Variants in CACNG2 observed in about 807,000 individuals in gnomAD.
The protein encoded by CACNG2 is voltage-dependent calcium channel gamma-2 subunit.
A neutral mutation model predicts 25.9 loss-of-function variants in CACNG2; 3 were observed. That is an observed-to-expected ratio of 0.12 (90% CI 0.05 to 0.30). The LOEUF is 0.30. Ranked by LOEUF, CACNG2 falls within the 10% of genes least tolerant of loss-of-function variation. The pLI, the probability that CACNG2 is intolerant of heterozygous loss-of-function variation, is 1.00. For missense variants in CACNG2, 341 were observed against 432.5 expected, an observed-to-expected ratio of 0.79 and a Z score of 1.88; for synonymous variants, 167 against 173.3, an observed-to-expected ratio of 0.96 and a Z score of 0.29.
chr22:36,670,054 C>T (rs1238976416), intron 1 of CACNG2, among the ~76,000 whole-genome samples: 3 of 152,198 alleles, frequency 2.0e-5, no homozygotes, highest in African/African-American at 7.2e-5. Flanking sequence ...ATGCCAGGAT[C>T]CAATTCTCTC....
intron 2 of CACNG2, among the ~76,000 whole-genome samples, chr22:36,571,372 G>A (rs546091347): frequency 9.2e-5 from 14 of 152,102 alleles, no homozygotes; most frequent in African/African-American, 1.9e-4. Context: ...CAGGAGAACC[G>A]CTTGAACCCG....
In CACNG2 at chr22:36,630,095, C is replaced by T. The variant is rs957988923; in HGVS notation, c.212-42547G>A. On this transcript the variant is annotated intron_variant, in intron 1 of 3. Coordinates refer to ENST00000300105, the MANE Select transcript of CACNG2 (RefSeq NM_006078.5). The stretch of plus-strand genomic sequence containing the variant: ...CGACGAGGACCAGAAGAAGGCAGTG[C>T]GGGAGGGAGACCATGGGAAGGGGTC... 4.6e-5 allele frequency among the ~76,000 whole-genome samples: 7 copies of T among 151,946 alleles called. No individual in the cohort carries two copies. The East Asian group carries it at 5.8e-4, about 13-fold the overall frequency.
chr22:36,659,407 G>C (rs187585640), intron 1 of CACNG2, among the ~76,000 whole-genome samples: 1 of 152,094 alleles, frequency 6.6e-6, no homozygotes, highest in Non-Finnish European at 1.5e-5. Context: ...CAGGTCAAAG[G>C]CTGCTCCACA....
chr22:36,661,911 C>T (rs1936802015), intron 1 of CACNG2, among the ~76,000 whole-genome samples: 1 of 143,294 alleles, frequency 7.0e-6, no homozygotes, highest in South Asian at 2.3e-4. Flanking sequence ...TTGAAGGCAG[C>T]TTTGTGGCTG....
chr22:36,657,931 G>A (rs1936732132), intron 1 of CACNG2, among the ~76,000 whole-genome samples: 1 of 152,110 alleles, frequency 6.6e-6, no homozygotes, highest in Non-Finnish European at 1.5e-5. Context: ...TCTCCAGAGT[G>A]TCTGAGGCTG....
At chr22:36,645,435 G>A (rs1168485671) in intron 1 of CACNG2, among the ~76,000 whole-genome samples, 1 of 151,694 alleles carries the variant, frequency 6.6e-6, no homozygotes, top group African/African-American at 2.4e-5. Flanking sequence ...TACTTGGGAG[G>A]CTGAGGCAGG....
At position 36,702,731 on chromosome 22, in the gene CACNG2, AT is replaced by A; in HGVS notation, c.-156del. 3.2e-6 allele frequency: 2 copies of A among 617,454 alleles called. No homozygotes were observed. Among genetic ancestry groups the A allele is most frequent in the Non-Finnish European group, 5.7e-6 (2 of 352,418 alleles). The allele number at this position is 617,454 out of a possible 1,614,324, so 38.2% of individuals were successfully genotyped here. ...GTATGAATAGAGAATATGGAGAGTT[AT>A]AAAAAAAGGGAGGTAAGAAAGCTCA... On this transcript the variant is annotated 5_prime_UTR_variant, in exon 1 of 4. Transcript: ENST00000300105.
chr22:36,605,370 C>T (rs902174763), intron 1 of CACNG2, among the ~76,000 whole-genome samples: 26 of 152,282 alleles, frequency 1.7e-4, no homozygotes, highest in Middle Eastern at 3.4e-3. Context: ...CCACCATGCC[C>T]GGCCCCAACA....
At chr22:36,645,644 GA>G (rs1390769198) in intron 1 of CACNG2, among the ~76,000 whole-genome samples, 2 of 151,930 alleles carry the variant, frequency 1.3e-5, no homozygotes, top group Non-Finnish European at 2.9e-5. Flanking sequence ...GGGAGAGGGA[GA>G]ATATATTTTC....
At chr22:36,653,964 GTGTGTGTGTGTGTGTCTC>G (rs1163594805) in intron 1 of CACNG2, among the ~76,000 whole-genome samples, 1 of 107,212 alleles carries the variant, frequency 9.3e-6, no homozygotes, top group East Asian at 2.4e-4. Context: ...GTGTGTTTGT[GTGTGTGTGTGTGTGTCTC>G]TGTGTGTGTG....
At chr22:36,605,796 AG>A (rs1220817951) in intron 1 of CACNG2, among the ~76,000 whole-genome samples, 5 of 152,208 alleles carry the variant, frequency 3.3e-5, no homozygotes, top group Admixed American at 3.3e-4. Context: ...ACAGACTAGT[AG>A]GGGAGAGACC....
chr22:36,593,970 T>C lies in CACNG2; in HGVS notation c.212-6422A>G, dbSNP rs115518957. ...TCTACGTCAACAGACATCACTCCAG[T>C]AAGGGGAGAGTGGTGAGTGGTGATG... On this transcript the variant is annotated intron_variant, in intron 1 of 3. Transcript: ENST00000300105. Among the ~76,000 whole-genome samples, 1,257 of 152,088 alleles carry C rather than the reference T, an allele frequency of 8.3e-3. 18 individuals carry two copies. The highest frequency in any genetic ancestry group is 0.028 in the African/African-American group (1,156 of 41,468).
chr22:36,650,797 G>A (rs752423336), intron 1 of CACNG2, among the ~76,000 whole-genome samples: 19 of 152,218 alleles, frequency 1.2e-4, no homozygotes, highest in Non-Finnish European at 1.9e-4. Flanking sequence ...TGGGATTTTA[G>A]GCATGAGCCA....
chr22:36,641,425 T>C (rs1284436540), intron 1 of CACNG2, among the ~76,000 whole-genome samples: 1 of 152,232 alleles, frequency 6.6e-6, no homozygotes, highest in Non-Finnish European at 1.5e-5. Context: ...CCATGGTAGG[T>C]ATTTGACAAA....
At chr22:36,579,585 C>G (rs1935380110) in intron 2 of CACNG2, among the ~76,000 whole-genome samples, 1 of 152,050 alleles carries the variant, frequency 6.6e-6, no homozygotes, top group Non-Finnish European at 1.5e-5. Context: ...ATACTGGTAG[C>G]CTGGACATCA....
intron 1 of CACNG2, among the ~76,000 whole-genome samples, chr22:36,693,707 A>C (rs1937295715): frequency 6.6e-6 from 1 of 152,142 alleles, no homozygotes; most frequent in Non-Finnish European, 1.5e-5. Context: ...GCCAATGCCC[A>C]ACATATGGGC....
intron 1 of CACNG2, among the ~76,000 whole-genome samples, chr22:36,694,524 T>C (rs1489485971): frequency 6.6e-6 from 1 of 152,218 alleles, no homozygotes; most frequent in Non-Finnish European, 1.5e-5. Flanking sequence ...TGAGCCTCAT[T>C]CAAATTGCAG....
chr22:36,578,635 G>A (rs1935364307), intron 2 of CACNG2, among the ~76,000 whole-genome samples: 1 of 152,190 alleles, frequency 6.6e-6, no homozygotes, highest in African/African-American at 2.4e-5. Flanking sequence ...GGGACTGGTG[G>A]AGGTGGGGAG....
At chr22:36,581,889 T>C (rs1359068823) in intron 2 of CACNG2, among the ~76,000 whole-genome samples, 1 of 152,206 alleles carries the variant, frequency 6.6e-6, no homozygotes, top group East Asian at 1.9e-4. Context: ...CACAGGCATC[T>C]CTAACTGAAT....
Sources: allele counts gnomAD v4.1 joint callset (sites outside exome capture counted in the v4.1 genomes callset), GRCh38; gene constraint gnomAD v4.1.1; transcripts MANE v1.5; gene names NCBI Gene and HGNC (gene_info 2026-07-23, HGNC 2026-07-21).